EXOC4: variants seen among roughly 807,000 people sequenced by gnomAD.
The protein encoded by EXOC4 is exocyst complex component 4.
EXOC4 carries 71 observed loss-of-function variants against 107.2 expected under a neutral mutation model. That is an observed-to-expected ratio of 0.66 (90% CI 0.55 to 0.81). EXOC4 has a LOEUF of 0.81. Ranked by LOEUF, EXOC4 falls within the 30% of genes least tolerant of loss-of-function variation. The probability of loss-of-function intolerance (pLI) is 0.00; values close to 1 mark genes in which losing one functional copy is unlikely to be tolerated. For synonymous variants in EXOC4, 456 were observed against 441.2 expected, an observed-to-expected ratio of 1.03 and a Z score of -0.42; for missense variants, 1,108 against 1,189.6, an observed-to-expected ratio of 0.93 and a Z score of 1.01.
chr7:133,819,855 T>G (rs1797468928), intron 11 of EXOC4, among the ~76,000 whole-genome samples: 1 of 26,802 alleles, frequency 3.7e-5, no homozygotes, highest in African/African-American at 2.0e-3. Flanking sequence ...TGCATTAAAA[T>G]CATAACTCAT....
At chr7:133,410,276 G>A (rs1210619294) in intron 7 of EXOC4, among the ~76,000 whole-genome samples, 1 of 152,176 alleles carries the variant, frequency 6.6e-6, no homozygotes, top group Non-Finnish European at 1.5e-5. Flanking sequence ...TCAGAGGAGG[G>A]AGGGAATAAA....
At chr7:133,929,696 G>A (rs1340737287) in intron 13 of EXOC4, among the ~76,000 whole-genome samples, 1 of 152,100 alleles carries the variant, frequency 6.6e-6, no homozygotes, top group African/African-American at 2.4e-5. Flanking sequence ...TACCCGATGG[G>A]TAGTATTTTG....
intron 14 of EXOC4, among the ~76,000 whole-genome samples, chr7:133,965,316 A>G (rs1207892668): frequency 6.6e-6 from 1 of 152,242 alleles, no homozygotes; most frequent in Non-Finnish European, 1.5e-5. Flanking sequence ...TTAGCTGTGC[A>G]GAAGCTCTTT....
chr7:133,772,441 A>G (rs116678405), intron 10 of EXOC4, among the ~76,000 whole-genome samples: 1,665 of 152,170 alleles, frequency 0.011, 21 homozygotes, highest in African/African-American at 0.038. Context: ...AAAGTCATCT[A>G]TTCTCACATG....
At chr7:133,726,851 G>C (rs940999152) in intron 10 of EXOC4, among the ~76,000 whole-genome samples, 3 of 152,162 alleles carry the variant, frequency 2.0e-5, no homozygotes, top group African/African-American at 7.2e-5. Flanking sequence ...CCTGTGAGCA[G>C]GTGCATGACA....
chr7:133,787,747 G>A (rs1432286171), intron 10 of EXOC4, among the ~76,000 whole-genome samples: 1 of 151,036 alleles, frequency 6.6e-6, no homozygotes, highest in Non-Finnish European at 1.5e-5. Flanking sequence ...ATCCTGTTAT[G>A]AGGGCTCCAT....
At chr7:133,997,287 T>C (rs1205030757) in intron 14 of EXOC4, among the ~76,000 whole-genome samples, 2 of 152,204 alleles carry the variant, frequency 1.3e-5, no homozygotes, top group African/African-American at 4.8e-5. Context: ...TAAATATTAT[T>C]ATATGAATTG....
At chr7:133,741,247 C>G (rs574673998) in intron 10 of EXOC4, among the ~76,000 whole-genome samples, 200 of 152,300 alleles carry the variant, frequency 1.3e-3, no homozygotes, top group African/African-American at 4.5e-3. Flanking sequence ...CCTCTAAACA[C>G]AGGTCTGTTC....
chr7:133,604,706 C>CTTTTTTTTTTTTTTTTTTTTTTT lies in EXOC4; in HGVS notation c.1418-25336_1418-25335insTTTTTTTTTTTTTTTTTTTTTTT, dbSNP rs1554477961. On this transcript the variant is annotated intron_variant, in intron 9 of 17. Transcript: ENST00000253861. ...TTTTTCTTTCCTTCCTTCCTTCCTT[C>CTTTTTTTTTTTTTTTTTTTTTTT]TTTCTTTTTTTTTTTTTTTTTTTTT... Among the ~76,000 whole-genome samples the CTTTTTTTTTTTTTTTTTTTTTTT allele has an allele frequency of 8.8e-4, 77 of 87,530 alleles. 13 individuals carry two copies. Among genetic ancestry groups the CTTTTTTTTTTTTTTTTTTTTTTT allele is most frequent in the African/African-American group, 1.1e-3 (24 of 22,708 alleles). 57.4% of individuals were successfully genotyped at this position (87,530 alleles called of 152,430 possible).
intron 10 of EXOC4, among the ~76,000 whole-genome samples, chr7:133,652,526 G>T (rs914669027): frequency 1.3e-5 from 2 of 151,822 alleles, no homozygotes; most frequent in African/African-American, 4.8e-5. Context: ...TTTCCCCCTT[G>T]CCCAGTGGCA....
chr7:134,044,040 G>C (rs554388935), intron 17 of EXOC4, among the ~76,000 whole-genome samples: 1 of 152,316 alleles, frequency 6.6e-6, no homozygotes, highest in East Asian at 1.9e-4. Context: ...GGCAGAGTGG[G>C]TTGAACCCTA....
At chr7:133,766,869 G>A (rs1443127320) in intron 10 of EXOC4, among the ~76,000 whole-genome samples, 1 of 151,820 alleles carries the variant, frequency 6.6e-6, no homozygotes, top group East Asian at 1.9e-4. Flanking sequence ...AAACCTATTC[G>A]AGTTAAAATT....
intron 11 of EXOC4, among the ~76,000 whole-genome samples, chr7:133,885,334 A>G (rs996131592): frequency 1.3e-5 from 2 of 151,546 alleles, no homozygotes; most frequent in African/African-American, 4.9e-5. Context: ...AAAAAGATAC[A>G]GTGTAGTAAT....
intron 10 of EXOC4, among the ~76,000 whole-genome samples, chr7:133,788,563 G>A (rs1015702143): frequency 6.6e-6 from 1 of 151,934 alleles, no homozygotes; most frequent in African/African-American, 2.4e-5. Flanking sequence ...TGTGATCTTG[G>A]CTCATTGCAA....
the EXOC4 span, among the ~76,000 whole-genome samples, chr7:134,087,465 C>G: frequency 6.6e-6 from 1 of 152,160 alleles, no homozygotes; most frequent in African/African-American, 2.4e-5. Context: ...ATCCTCTTTC[C>G]TACACAAAGA....
chr7:134,017,187 T>C (rs73442644), intron 17 of EXOC4, among the ~76,000 whole-genome samples: 2,223 of 152,280 alleles, frequency 0.015, 64 homozygotes, highest in African/African-American at 0.051. Flanking sequence ...GATTTGCCTT[T>C]AATACCCCAG....
intron 10 of EXOC4, among the ~76,000 whole-genome samples, chr7:133,727,051 A>G (rs1021957261): frequency 6.6e-6 from 1 of 152,228 alleles, no homozygotes; most frequent in African/African-American, 2.4e-5. Context: ...AATTTATTCA[A>G]ATATTGCACT....
At chr7:133,960,774 C>T (rs1449325928) in intron 14 of EXOC4, among the ~76,000 whole-genome samples, 2 of 152,090 alleles carry the variant, frequency 1.3e-5, no homozygotes, top group African/African-American at 2.4e-5. Context: ...TATTGCTGTA[C>T]GATTGATTAT....
At chr7:133,396,090 A>G (rs1280926192) in intron 7 of EXOC4, 1 of 152,160 alleles carries the variant, frequency 6.6e-6, no homozygotes, top group Admixed American at 6.5e-5. Context: ...ATCACTTAGG[A>G]ACTAGTTAGA....
Sources: allele counts gnomAD v4.1 joint callset (sites outside exome capture counted in the v4.1 genomes callset), GRCh38; gene constraint gnomAD v4.1.1; transcripts MANE v1.5; gene names NCBI Gene and HGNC (gene_info 2026-07-23, HGNC 2026-07-21).